Variants in ABCA13 observed in about 807,000 individuals in gnomAD.
The protein encoded by ABCA13 is ATP binding cassette subfamily A member 13, also known as ATP-binding cassette sub-family A member 13.
ABCA13 carries 476 observed loss-of-function variants against 478.7 expected under a neutral mutation model. The ratio of observed to expected loss-of-function variants is 0.99; its 90% CI spans 0.92 to 1.07. ABCA13 has a LOEUF of 1.07. ABCA13 is among the 50% of genes least tolerant of loss of function. The pLI is 0.00. For missense variants in ABCA13, 6,060 were observed against 5,910.6 expected (o/e 1.03, Z -0.83); for synonymous variants, 2,252 against 2,158.9 (o/e 1.04, Z -1.20).
At chr7:48,186,861 T>G (rs1796414331) in intron 1 of ABCA13, among the ~76,000 whole-genome samples, 1 of 151,994 alleles carries the variant, frequency 6.6e-6, no homozygotes, top group African/African-American at 2.4e-5. Context: ...AGAAGTGATA[T>G]TCCTTCATTT....
In ABCA13 at chr7:48,276,090, A is replaced by C; in HGVS notation, c.6424A>C (p.Ile2142Leu). ...EYANEDYSRMIETLFIPVTNE... is the reference protein window; with the variant it reads ...EYANEDYSRMLETLFIPVTNE... The stretch of plus-strand genomic sequence containing the variant: ...TGCAAATGAGGATTACTCCAGAATG[A>C]TAGAAACATTATTCATTCCTGTGAC... Residue 2142 changes from isoleucine to leucine, a missense_variant, in exon 17 of 62, where the codon ATA (isoleucine) becomes CTA (leucine). By Grantham distance (5) the Ile-to-Leu change is conservative (BLOSUM62 2). Coordinates refer to ENST00000435803, the MANE Select transcript of ABCA13 (RefSeq NM_152701.5). The C allele has an allele frequency of 6.2e-7, 1 of 1,601,292 alleles. No homozygotes were observed. Among genetic ancestry groups the C allele is most frequent in the Non-Finnish European group, 8.5e-7 (1 of 1,173,228 alleles).
chr7:48,397,119 G>T (rs189587089), intron 38 of ABCA13, among the ~76,000 whole-genome samples: 1 of 152,286 alleles, frequency 6.6e-6, no homozygotes, highest in Admixed American at 6.5e-5. Context: ...GAGCCCTGCT[G>T]GGAGTTTGCT....
intron 57 of ABCA13, among the ~76,000 whole-genome samples, chr7:48,590,272 TAC>T (rs3031438): frequency 0.47 from 70,149 of 148,912 alleles, 18,599 homozygotes; most frequent in African/African-American, 0.74. Context: ...AATATTTCAT[TAC>T]ACACACACAC....
At chr7:48,597,647 G>C (rs1224983713) in intron 58 of ABCA13, among the ~76,000 whole-genome samples, 1 of 152,118 alleles carries the variant, frequency 6.6e-6, no homozygotes, top group Non-Finnish European at 1.5e-5. Context: ...AGGCATCCTA[G>C]TGAAGTGGGG....
rs1454490511 is a variant in ABCA13, at chr7:48,276,192, TC to T, written c.6527del (p.Ser2176LeufsTer15). ...TTTTTGGGGCTCTTTAAAAAATATA[TC>T]TAGAGCAGGCAATTTTGATGTTGCC... The part of the protein sequence containing the change: ...ATFWGSLKNI[S>X]RAGNFDVAFL... On this transcript the variant is annotated frameshift_variant, in exon 17 of 62. Transcript: ENST00000435803. LOFTEE classifies it high-confidence loss of function. The T allele has an allele frequency of 2.5e-6, 4 of 1,590,776 alleles. No individual in the cohort carries two copies. Among genetic ancestry groups the T allele is most frequent in the Non-Finnish European group, 3.4e-6 (4 of 1,168,200 alleles).
intron 55 of ABCA13, among the ~76,000 whole-genome samples, chr7:48,577,512 C>T (rs1788297115): frequency 6.6e-6 from 1 of 152,010 alleles, no homozygotes; most frequent in African/African-American, 2.4e-5. Context: ...CCTGAAGACA[C>T]AATTTACCCA....
intron 58 of ABCA13, among the ~76,000 whole-genome samples, chr7:48,610,241 C>A (rs192116371): frequency 6.6e-6 from 1 of 152,338 alleles, no homozygotes; most frequent in East Asian, 1.9e-4. Flanking sequence ...AAAGAGGCTA[C>A]AGGCCCTGAG....
At chr7:48,607,873 T>A (rs1418145608) in intron 58 of ABCA13, among the ~76,000 whole-genome samples, 2 of 152,166 alleles carry the variant, frequency 1.3e-5, no homozygotes, top group Admixed American at 1.3e-4. Context: ...ACTCCTCTAC[T>A]CATTTTCTTA....
rs770393544 is a variant in ABCA13 at position 48,239,256 on chromosome 7, TC to T, written c.915del (p.Leu306TrpfsTer98). 107 of 1,613,830 alleles carry T rather than the reference TC, an allele frequency of 6.6e-5. No homozygotes were observed. The highest frequency in any genetic ancestry group is 8.6e-5 in the Non-Finnish European group (101 of 1,179,852). On this transcript the variant is annotated frameshift_variant, in exon 9 of 62. Coordinates refer to ENST00000435803, the MANE Select transcript of ABCA13 (RefSeq NM_152701.5). LOFTEE classifies it high-confidence loss of function. ...TTGTTGTCAGATTCCCACAGACACTTCCTTGGAGAAGATGGTGTGTTCAGTC... is the reference window on the plus strand; with the variant it reads ...TTGTTGTCAGATTCCCACAGACACTTCTTGGAGAAGATGGTGTGTTCAGTC... ...AELKEIPTDT[S>X]LEKMVCSVLS... is the part of the protein sequence containing the mutation.
intron 29 of ABCA13, among the ~76,000 whole-genome samples, chr7:48,340,530 A>G (rs1381756268): frequency 6.6e-6 from 1 of 152,220 alleles, no homozygotes; most frequent in Non-Finnish European, 1.5e-5. Context: ...ATCACCACAG[A>G]TAGCTATTTT....
chr7:48,178,317 C>A (rs1795159079), intron 1 of ABCA13, among the ~76,000 whole-genome samples: 1 of 152,202 alleles, frequency 6.6e-6, no homozygotes, highest in South Asian at 2.1e-4. Flanking sequence ...CTCAGTGTTT[C>A]TTTAAGAGTC....
intron 41 of ABCA13, among the ~76,000 whole-genome samples, chr7:48,418,266 T>C (rs1027179842): frequency 6.6e-6 from 1 of 152,234 alleles, no homozygotes; most frequent in East Asian, 1.9e-4. Context: ...TGCCAAACTG[T>C]CATCCAAAGT....
chr7:48,432,600 A>AAAAT (rs1822295434), intron 42 of ABCA13, among the ~76,000 whole-genome samples: 1 of 152,178 alleles, frequency 6.6e-6, no homozygotes, highest in African/African-American at 2.4e-5. Context: ...ATGGATAAAG[A>AAAAT]AAATATGGCA....
intron 42 of ABCA13, among the ~76,000 whole-genome samples, chr7:48,430,293 A>G (rs145939989): frequency 1.3e-5 from 2 of 152,232 alleles, no homozygotes; most frequent in East Asian, 3.9e-4. Flanking sequence ...GAATCTGTCC[A>G]TTTCATTTCA....
intron 10 of ABCA13, among the ~76,000 whole-genome samples, 151 bp downstream of exon 10, chr7:48,241,217 G>T (rs1790782469): frequency 6.6e-6 from 1 of 152,212 alleles, no homozygotes; most frequent in Admixed American, 6.5e-5. Context: ...GGCTTTCATT[G>T]TGGACCATCA....
chr7:48,566,175 G>C (rs1257929518), intron 55 of ABCA13, among the ~76,000 whole-genome samples: 2 of 152,022 alleles, frequency 1.3e-5, no homozygotes, highest in Non-Finnish European at 2.9e-5. Flanking sequence ...TTCTTGATCT[G>C]GCAAAGACCC....
Position 48,275,869 on chromosome 7 carries a change from A to G in ABCA13, c.6203A>G (p.Asp2068Gly), listed in dbSNP as rs1048239785. 4 of 1,613,564 alleles carry G rather than the reference A, an allele frequency of 2.5e-6. No individual in the cohort carries two copies. Among genetic ancestry groups the G allele is most frequent in the Non-Finnish European group, 3.4e-6 (4 of 1,179,822 alleles). ...CCCAAGTTTCAACAAATCATGAAAG[A>G]CCTAACCCAAGATTTTAGAATCAGA... ...LWPKFQQIMK[D>G]LTQDFRIRHL... is the part of the protein sequence containing the mutation. Residue 2068 changes from aspartate to glycine, a missense_variant, in exon 17 of 62, where the codon GAC becomes GGC. Transcript: ENST00000435803.
intron 8 of ABCA13, among the ~76,000 whole-genome samples, chr7:48,236,147 A>C (rs1277365649): frequency 6.6e-6 from 1 of 152,174 alleles, no homozygotes; most frequent in African/African-American, 2.4e-5. Flanking sequence ...AAGGCTATCT[A>C]TACAAAGGAA....
In ABCA13 at chr7:48,367,739, A is replaced by T. The variant is rs73323802; in HGVS notation, c.10689-55A>T. ...CTAACTTGGAAGAAAAATGTAAAAA[A>T]TTAGTAGAGTCATTTTGCTTGTCTC... On this transcript the variant is annotated intron_variant, in intron 31 of 61. Transcript: ENST00000435803. The T allele has an allele frequency of 1.1e-3, 1,439 of 1,365,252 alleles. 22 individuals carry two copies. The African/African-American group carries it at 0.019, about 18-fold the overall frequency. The allele number at this position is 1,365,252 out of a possible 1,614,324, so 84.6% of individuals were successfully genotyped here. A position where few individuals can be genotyped will look rare whatever the true frequency, so the allele number is the denominator to read the frequency against.
Sources: allele counts gnomAD v4.1 joint callset (sites outside exome capture counted in the v4.1 genomes callset), GRCh38; gene constraint gnomAD v4.1.1; transcripts MANE v1.5; gene names NCBI Gene and HGNC (gene_info 2026-07-23, HGNC 2026-07-21).